Variants in CDH12 observed in about 807,000 individuals in gnomAD.
The protein encoded by CDH12 is cadherin-12.
Under a neutral mutation model 74.1 loss-of-function variants are expected in CDH12, and 41 were observed. That is an observed-to-expected ratio of 0.55 (90% CI 0.43 to 0.72). CDH12 has a LOEUF of 0.72. Among genes scored for constraint, CDH12 ranks in the 30% least tolerant of loss-of-function variants. The pLI is 0.00. For synonymous variants in CDH12, 399 were observed against 355.0 expected (o/e 1.12, Z -1.39); for missense variants, 945 against 977.2 (o/e 0.97, Z 0.44).
At chr5:22,535,596 G>T (rs571195049) in intron 1 of CDH12, among the ~76,000 whole-genome samples, 1 of 152,252 alleles carries the variant, frequency 6.6e-6, no homozygotes, top group Non-Finnish European at 1.5e-5. Flanking sequence ...GGGTTTGAAA[G>T]AATTTGATTT....
intron 3 of CDH12, among the ~76,000 whole-genome samples, chr5:22,333,872 G>A (rs1739450734): frequency 6.6e-6 from 1 of 152,086 alleles, no homozygotes; most frequent in Admixed American, 6.5e-5. Flanking sequence ...ACAGAATGAA[G>A]CACAAAAACC....
At chr5:22,090,090 GATAAA>G (rs947318248) in intron 4 of CDH12, among the ~76,000 whole-genome samples, 1 of 151,702 alleles carries the variant, frequency 6.6e-6, no homozygotes, top group African/African-American at 2.4e-5. Context: ...GAAAACAATA[GATAAA>G]ATAAACACAC....
intron 9 of CDH12, among the ~76,000 whole-genome samples, chr5:21,803,966 A>G (rs1202002988): frequency 6.6e-6 from 1 of 152,146 alleles, no homozygotes; most frequent in Non-Finnish European, 1.5e-5. Context: ...ACAAAACAGC[A>G]ATTTCACTTG....
At chr5:22,770,149 G>A (rs577831538) in intron 1 of CDH12, among the ~76,000 whole-genome samples, 1 of 150,490 alleles carries the variant, frequency 6.6e-6, no homozygotes, top group Non-Finnish European at 1.5e-5. Flanking sequence ...TTACACCTGT[G>A]TATTGTCCAA....
At chr5:22,358,216 C>G (rs1403321186) in intron 3 of CDH12, among the ~76,000 whole-genome samples, 1 of 152,094 alleles carries the variant, frequency 6.6e-6, no homozygotes, top group East Asian at 1.9e-4. Context: ...CGAGACTAGC[C>G]TAGCCAACAT....
intron 5 of CDH12, among the ~76,000 whole-genome samples, chr5:22,008,246 T>C (rs1338964002): frequency 2.6e-5 from 4 of 152,082 alleles, no homozygotes; most frequent in Non-Finnish European, 5.9e-5. Context: ...TTTTTTTTTT[T>C]TTAAATGGAG....
At chr5:22,244,598 CAGAG>C (rs1442836801) in intron 3 of CDH12, among the ~76,000 whole-genome samples, 4 of 74,376 alleles carry the variant, frequency 5.4e-5, no homozygotes, top group Non-Finnish European at 7.1e-5. Context: ...AAAGGAAAGA[CAGAG>C]AGAGAAAGGA....
chr5:21,985,756 C>T (rs1757490880), intron 5 of CDH12, among the ~76,000 whole-genome samples: 1 of 152,072 alleles, frequency 6.6e-6, no homozygotes, highest in Non-Finnish European at 1.5e-5. Flanking sequence ...TAGTTTCAAG[C>T]TAATACTTAT....
At chr5:21,885,340 G>T (rs1752571453) in intron 6 of CDH12, among the ~76,000 whole-genome samples, 1 of 152,128 alleles carries the variant, frequency 6.6e-6, no homozygotes, top group East Asian at 1.9e-4. Context: ...TTTAGTTTTA[G>T]CTTATTGTAC....
intron 3 of CDH12, among the ~76,000 whole-genome samples, chr5:22,365,034 T>G (rs779430904): frequency 3.3e-5 from 5 of 152,324 alleles, no homozygotes; most frequent in Non-Finnish European, 7.3e-5. Flanking sequence ...GTGGAACAGA[T>G]TCCCTTTCTT....
At chr5:21,991,467 C>G (rs1199527918) in intron 5 of CDH12, among the ~76,000 whole-genome samples, 3 of 96,720 alleles carry the variant, frequency 3.1e-5, no homozygotes, top group Non-Finnish European at 6.5e-5. Context: ...AAAATAAATA[C>G]AAAATAAATA....
chr5:22,052,076 C>A (rs1343641333), intron 5 of CDH12, among the ~76,000 whole-genome samples: 1 of 152,156 alleles, frequency 6.6e-6, no homozygotes, highest in African/African-American at 2.4e-5. Flanking sequence ...CACAGTTTTA[C>A]ACACTTCATT....
intron 1 of CDH12, among the ~76,000 whole-genome samples, chr5:22,616,731 T>C (rs1322069100): frequency 6.6e-6 from 1 of 151,978 alleles, no homozygotes; most frequent in Non-Finnish European, 1.5e-5. Context: ...AGTGCTATGA[T>C]CTGAATGTCT....
At chr5:22,566,429 G>A (rs574566832) in intron 1 of CDH12, among the ~76,000 whole-genome samples, 12 of 152,020 alleles carry the variant, frequency 7.9e-5, no homozygotes, top group African/African-American at 1.9e-4. Context: ...TAGTAGAGAC[G>A]CAGTTTCACC....
intron 1 of CDH12, among the ~76,000 whole-genome samples, chr5:22,508,869 G>A (rs1028180591): frequency 1.3e-5 from 2 of 152,038 alleles, no homozygotes; most frequent in African/African-American, 2.4e-5. Flanking sequence ...GCTGTACCCC[G>A]ACAACCTTGG....
chr5:21,906,032 T>C (rs1753625586), intron 6 of CDH12, among the ~76,000 whole-genome samples: 1 of 152,138 alleles, frequency 6.6e-6, no homozygotes, highest in Non-Finnish European at 1.5e-5. Flanking sequence ...AAATAACAGA[T>C]TAAAATAAAT....
intron 4 of CDH12, among the ~76,000 whole-genome samples, chr5:22,096,907 C>T (rs1743814202): frequency 6.6e-6 from 1 of 152,146 alleles, no homozygotes; most frequent in South Asian, 2.1e-4. Flanking sequence ...AATTCTGGCC[C>T]TCAAACCCCA....
At chr5:22,142,422 T>C in intron 4 of CDH12, 2 of 566,544 alleles carry the variant, frequency 3.5e-6, no homozygotes, top group East Asian at 4.3e-5. Context: ...AATCATGGTC[T>C]GTCACTGAAT....
At chr5:22,612,167 G>A (rs1258176379) in intron 1 of CDH12, among the ~76,000 whole-genome samples, 1 of 152,050 alleles carries the variant, frequency 6.6e-6, no homozygotes, top group Non-Finnish European at 1.5e-5. Context: ...ATACGCTGGT[G>A]AGCTCTCTTT....
Sources: allele counts gnomAD v4.1 joint callset (sites outside exome capture counted in the v4.1 genomes callset), GRCh38; gene constraint gnomAD v4.1.1; transcripts MANE v1.5; gene names NCBI Gene and HGNC (gene_info 2026-07-23, HGNC 2026-07-21).